Variants in DNM2 observed in about 807,000 individuals in gnomAD.
The protein encoded by DNM2 is dynamin 2.
Under a neutral mutation model 99.0 loss-of-function variants are expected in DNM2, and 15 were observed. The ratio of observed to expected loss-of-function variants is 0.15; its 90% CI spans 0.10 to 0.23. The LOEUF is 0.23. Among genes scored for constraint, DNM2 ranks in the 10% least tolerant of loss-of-function variants. DNM2 has a pLI of 1.00. For missense variants in DNM2, 742 were observed against 1,189.4 expected (o/e 0.62, Z 5.53); for synonymous variants, 525 against 481.2 (o/e 1.09, Z -1.19).
intron 1 of DNM2, 137 bp downstream of exon 1, chr19:10,718,540 A>T: frequency 8.3e-7 from 1 of 1,201,148 alleles, no homozygotes; most frequent in Non-Finnish European, 1.0e-6. Flanking sequence ...GGGGTCGGGG[A>T]GGCGGGCCCT....
rs539823796 is a variant in DNM2, at chr19:10,826,590, A to AT, written c.2058+1370dup. On this transcript the variant is annotated intron_variant, in intron 18 of 20. Coordinates refer to ENST00000389253, the MANE Select transcript of DNM2 (RefSeq NM_001005361.3). ...TGGCACTAGCCACTCAGGAAGCTTT[A>AT]TAAACCAGCTTTGGGGCCGGAGCAG... 2.2e-4 allele frequency among the ~76,000 whole-genome samples: 33 copies of AT among 152,334 alleles called. No homozygotes were observed. In the South Asian group the frequency reaches 6.2e-3, roughly 29 times the overall value.
At chr19:10,761,928 C>T (rs573529199) in intron 2 of DNM2, among the ~76,000 whole-genome samples, 6 of 152,342 alleles carry the variant, frequency 3.9e-5, no homozygotes, top group Admixed American at 3.9e-4. Flanking sequence ...GGCGTCCAAT[C>T]AGCTGTGCCA....
intron 2 of DNM2, among the ~76,000 whole-genome samples, chr19:10,761,560 T>G (rs181986950): frequency 1.3e-5 from 2 of 152,270 alleles, no homozygotes; most frequent in Non-Finnish European, 2.9e-5. Context: ...CTCTGGGCGT[T>G]CAACACTCAG....
At chr19:10,786,542 A>C in intron 6 of DNM2, 22 bp from the exon 7 acceptor site, 3 of 1,613,244 alleles carry the variant, frequency 1.9e-6, no homozygotes, top group African/African-American at 2.7e-5. Flanking sequence ...ACCCTTTCTG[A>C]TCTCTGACCT....
chr19:10,797,658 CT>C, intron 10 of DNM2, 140 bp downstream of exon 10: 2 of 1,325,622 alleles, frequency 1.5e-6, no homozygotes. Context: ...ATGTCGCCAC[CT>C]TGCATTGGCA....
chr19:10,819,840 G>C, intron 15 of DNM2, 140 bp from the exon 16 acceptor site: 1 of 779,044 alleles, frequency 1.3e-6, no homozygotes, highest in Non-Finnish European at 2.3e-6. Flanking sequence ...GGAAGGGCCG[G>C]CAGATGGGCT....
chr19:10,808,565 A>C lies in DNM2; in HGVS notation c.1546-4A>C. 1.2e-6 allele frequency: 2 copies of C among 1,612,310 alleles called. No individual in the cohort carries two copies. Among genetic ancestry groups the C allele is most frequent in the African/African-American group, 1.3e-5 (1 of 74,962 alleles). On this transcript the variant is annotated splice_polypyrimidine_tract_variant and splice_region_variant and intron_variant, in intron 13 of 20. Coordinates refer to ENST00000389253, the MANE Select transcript of DNM2 (RefSeq NM_001005361.3). ...CCCACAACCCTAACTTTGCATATTCAAAGGGGGAGATCCTGGTAAGTACAT... is the reference window on the plus strand; with the variant it reads ...CCCACAACCCTAACTTTGCATATTCCAAGGGGGAGATCCTGGTAAGTACAT...
chr19:10,823,939 C>T (rs2073064414), intron 17 of DNM2, 40 bp downstream of exon 17: 2 of 1,599,286 alleles, frequency 1.3e-6, no homozygotes, highest in East Asian at 2.2e-5. Context: ...AGAGCCCCCA[C>T]CTGGGAGAGG....
chr19:10,785,967 T>C (rs560329691), intron 6 of DNM2, among the ~76,000 whole-genome samples: 1 of 152,006 alleles, frequency 6.6e-6, no homozygotes, highest in African/African-American at 2.4e-5. Flanking sequence ...CCGAGATAAT[T>C]TTTGTATTTT....
intron 2 of DNM2, among the ~76,000 whole-genome samples, chr19:10,763,863 G>A (rs966344769): frequency 1.1e-4 from 16 of 152,178 alleles, no homozygotes; most frequent in Admixed American, 3.3e-4. Context: ...TGCAAGCGGG[G>A]AGTGGGGGAT....
At chr19:10,769,874 C>A (rs1045419324) in intron 2 of DNM2, among the ~76,000 whole-genome samples, 2 of 152,174 alleles carry the variant, frequency 1.3e-5, no homozygotes, top group Non-Finnish European at 2.9e-5. Flanking sequence ...TCCCCCTGAC[C>A]CTGCAGAGAA....
At position 10,825,694 on chromosome 19, in the gene DNM2, A is replaced by AGAG. The variant is rs569071526; in HGVS notation, c.2058+473_2058+474insGAG. ...AAGAAAAGAGAGAGAGAGAGAGAGA[A>AGAG]AAATACAAAAAGTAGCCGGGCATGG... On this transcript the variant is annotated intron_variant, in intron 18 of 20. Transcript: ENST00000389253. Among the ~76,000 whole-genome samples, 4,511 of 143,856 alleles carry AGAG rather than the reference A, an allele frequency of 0.031. 383 individuals carry two copies. In the East Asian group the frequency reaches 0.36, roughly 12 times the overall value. 94.4% of individuals were successfully genotyped at this position (143,856 alleles called of 152,430 possible).
chr19:10,726,666 C>T (rs989201127), intron 1 of DNM2, among the ~76,000 whole-genome samples: 2 of 152,122 alleles, frequency 1.3e-5, no homozygotes, highest in East Asian at 3.9e-4. Flanking sequence ...GAGTTCGAGA[C>T]CAGCCTGGCC....
intron 2 of DNM2, among the ~76,000 whole-genome samples, chr19:10,771,007 G>A (rs1206265120): frequency 2.0e-5 from 3 of 152,096 alleles, no homozygotes; most frequent in East Asian, 1.9e-4. Flanking sequence ...CACCCAGGCC[G>A]GTCTTGAACT....
At chr19:10,732,168 G>C (rs2145716322) in intron 1 of DNM2, among the ~76,000 whole-genome samples, 1 of 151,226 alleles carries the variant, frequency 6.6e-6, no homozygotes, top group East Asian at 2.0e-4. Flanking sequence ...GGCCAGACTG[G>C]TCTTGAACTC....
rs375081336 is a variant in DNM2, at chr19:10,817,387, T to A, written c.1672-2593T>A. The A allele has an allele frequency of 2.0e-6, 1 of 488,360 alleles. No individual in the cohort carries two copies. The highest frequency in any genetic ancestry group is 4.2e-6 in the Non-Finnish European group (1 of 237,452). 30.3% of individuals were successfully genotyped at this position (488,360 alleles called of 1,614,324 possible). On this transcript the variant is annotated intron_variant, in intron 15 of 20. Coordinates refer to ENST00000389253, the MANE Select transcript of DNM2 (RefSeq NM_001005361.3). This position sits in a 1 kb window ranked among gnomAD's most constrained non-coding sequence, Gnocchi z 4.6. ...AAATGACACTCACCTGCCGGCGAGT[T>A]TGGGGGGCCTGTCTCGACGAGCCGC...
At chr19:10,782,932 C>T (rs1172287370) in intron 5 of DNM2, 28 bp from the exon 6 acceptor site, 2 of 1,613,840 alleles carry the variant, frequency 1.2e-6, no homozygotes, top group South Asian at 2.2e-5. Context: ...CCTAGCTTTG[C>T]CCCTGACCTG....
intron 9 of DNM2, 71 bp from the exon 10 acceptor site, chr19:10,797,309 C>T (rs550767030): frequency 6.3e-5 from 100 of 1,595,020 alleles, no homozygotes; most frequent in Admixed American, 2.7e-4. Context: ...TCTCTGTCTC[C>T]TGTCCTGCGT....
At chr19:10,758,474 C>T (rs1284107772) in intron 1 of DNM2, among the ~76,000 whole-genome samples, 1 of 80,054 alleles carries the variant, frequency 1.2e-5, no homozygotes, top group African/African-American at 5.3e-5. Context: ...TCCCTCCCTC[C>T]TTCCTTCCCT....
Sources: gnomAD v4.1 joint callset for allele counts (sites outside exome capture counted in the v4.1 genomes callset) on GRCh38, gnomAD v4.1.1 for gene constraint, Gnocchi (gnomAD v3.1) non-coding constraint, MANE v1.5 for transcripts, NCBI Gene and HGNC (gene_info 2026-07-23, HGNC 2026-07-21) for gene names.